Variants in GABRB1 observed in about 807,000 individuals in gnomAD.
The protein encoded by GABRB1 is gamma-aminobutyric acid type A receptor subunit beta1.
A neutral mutation model predicts 51.6 loss-of-function variants in GABRB1; 17 were observed. The observed-to-expected ratio is 0.33, with a 90% CI of 0.23 to 0.49. GABRB1 has a LOEUF of 0.49. Ranked by LOEUF, GABRB1 falls within the 20% of genes least tolerant of loss-of-function variation. The probability of loss-of-function intolerance (pLI) is 0.99; values close to 1 mark genes in which losing one functional copy is unlikely to be tolerated. For synonymous variants in GABRB1, 247 were observed against 218.9 expected, an observed-to-expected ratio of 1.13 and a Z score of -1.14; for missense variants, 410 against 600.6, an observed-to-expected ratio of 0.68 and a Z score of 3.32.
At chr4:47,169,211 T>C (rs569126324) in intron 4 of GABRB1, among the ~76,000 whole-genome samples, 34 of 152,292 alleles carry the variant, frequency 2.2e-4, no homozygotes, top group African/African-American at 6.3e-4. Context: ...CATCTCTTCT[T>C]TATTTATGAA....
intron 4 of GABRB1, among the ~76,000 whole-genome samples, chr4:47,170,218 C>G (rs1322261399): frequency 6.6e-6 from 1 of 152,008 alleles, no homozygotes; most frequent in East Asian, 1.9e-4. Flanking sequence ...CAGTGTCTGA[C>G]CACGGATTGT....
At chr4:47,115,207 C>T (rs1482444092) in intron 3 of GABRB1, among the ~76,000 whole-genome samples, 4 of 152,148 alleles carry the variant, frequency 2.6e-5, no homozygotes, top group African/African-American at 7.2e-5. Context: ...GCTAATACAT[C>T]TAAAATGGAA....
intron 5 of GABRB1, among the ~76,000 whole-genome samples, chr4:47,386,993 A>C (rs1029576324): frequency 1.3e-5 from 2 of 152,256 alleles, no homozygotes; most frequent in Non-Finnish European, 2.9e-5. Flanking sequence ...GTCACCCCAC[A>C]AAGTGCTGAT....
At chr4:47,391,700 G>A (rs1727999720) in intron 5 of GABRB1, among the ~76,000 whole-genome samples, 1 of 152,124 alleles carries the variant, frequency 6.6e-6, no homozygotes. Context: ...AGTAAATTAG[G>A]CTCAAGAATA....
intron 4 of GABRB1, among the ~76,000 whole-genome samples, chr4:47,212,114 C>G (rs1720380271): frequency 6.6e-6 from 1 of 152,008 alleles, no homozygotes; most frequent in African/African-American, 2.4e-5. Context: ...CCGAAAAGAG[C>G]TGTATAGAAA....
At chr4:47,270,196 G>A (rs189883724) in intron 4 of GABRB1, among the ~76,000 whole-genome samples, 24 of 152,288 alleles carry the variant, frequency 1.6e-4, no homozygotes, top group African/African-American at 4.6e-4. Flanking sequence ...ACATGACATG[G>A]CTGTTTTGGT....
rs1725321920 is a variant in GABRB1 at position 47,328,068 on chromosome 4, T to C, written c.544+7859T>C. Among the ~76,000 whole-genome samples the C allele has an allele frequency of 1.3e-5, 2 of 152,236 alleles. 1 individual carries two copies. Among genetic ancestry groups the C allele is most frequent in the South Asian group, 4.1e-4 (2 of 4,824 alleles). ...GCATTCTTCTGATGGCCAGTGATGA[T>C]GAGCATTTTTTCATGTGTCTTTTGG... On this transcript the variant is annotated intron_variant, in intron 5 of 8. Transcript: ENST00000295454.
chr4:47,318,102 C>T (rs1450958838), intron 4 of GABRB1, among the ~76,000 whole-genome samples: 6 of 151,962 alleles, frequency 3.9e-5, no homozygotes, highest in Admixed American at 3.9e-4. Context: ...TGAGTCTTAA[C>T]TTTGTTGCCC....
intron 3 of GABRB1, among the ~76,000 whole-genome samples, chr4:47,091,392 G>A (rs973608443): frequency 4.6e-5 from 7 of 151,944 alleles, no homozygotes; most frequent in Admixed American, 2.0e-4. Context: ...ATGGTATACA[G>A]CATAATTATA....
At chr4:47,064,974 T>A (rs1367153371) in intron 3 of GABRB1, among the ~76,000 whole-genome samples, 2 of 152,206 alleles carry the variant, frequency 1.3e-5, no homozygotes, top group Non-Finnish European at 2.9e-5. Context: ...GATTCAGTTT[T>A]GGCCTCTCTA....
intron 3 of GABRB1, among the ~76,000 whole-genome samples, chr4:47,150,562 T>C (rs1717395772): frequency 6.6e-6 from 1 of 151,720 alleles, no homozygotes; most frequent in Admixed American, 6.6e-5. Context: ...AATTGGAGAA[T>C]TTCTGTGCTG....
chr4:47,107,568 T>A (rs993375527), intron 3 of GABRB1, among the ~76,000 whole-genome samples: 1 of 152,108 alleles, frequency 6.6e-6, no homozygotes, highest in Non-Finnish European at 1.5e-5. Flanking sequence ...GAAAATAACC[T>A]CTCTGTGCCT....
At chr4:47,070,871 T>C (rs1035172620) in intron 3 of GABRB1, among the ~76,000 whole-genome samples, 13 of 152,186 alleles carry the variant, frequency 8.5e-5, no homozygotes, top group Admixed American at 1.3e-4. Flanking sequence ...CTAAGGACTT[T>C]CTAAATCTGA....
intron 4 of GABRB1, among the ~76,000 whole-genome samples, chr4:47,175,020 TCTTC>T (rs1293186053): frequency 4.6e-5 from 6 of 129,196 alleles, no homozygotes; most frequent in East Asian, 2.4e-4. Flanking sequence ...CTTCCTTCTT[TCTTC>T]CTTCCTTCCT....
chr4:47,032,199 G>T (rs989615450), intron 2 of GABRB1, among the ~76,000 whole-genome samples, 194 bp downstream of exon 2: 6 of 150,308 alleles, frequency 4.0e-5, no homozygotes, highest in Non-Finnish European at 8.8e-5. Context: ...ATCCTCAGGC[G>T]GAGGCGACCT....
intron 1 of GABRB1, among the ~76,000 whole-genome samples, chr4:47,026,312 A>G (rs889203357): frequency 2.6e-5 from 4 of 151,998 alleles, no homozygotes; most frequent in African/African-American, 9.7e-5. Context: ...GAATTAGCGC[A>G]AAGTTTATAT....
intron 1 of GABRB1, among the ~76,000 whole-genome samples, chr4:47,020,205 C>T (rs754393833): frequency 6.6e-6 from 1 of 152,078 alleles, no homozygotes; most frequent in Non-Finnish European, 1.5e-5. Flanking sequence ...TTTATAAAGA[C>T]ATCAATCATA....
intron 4 of GABRB1, among the ~76,000 whole-genome samples, chr4:47,276,102 A>G (rs1019499170): frequency 1.3e-5 from 2 of 152,170 alleles, no homozygotes; most frequent in African/African-American, 4.8e-5. Context: ...CAATACTCGT[A>G]CAGAGAAAAT....
intron 5 of GABRB1, among the ~76,000 whole-genome samples, chr4:47,325,926 T>C (rs954529937): frequency 6.6e-6 from 1 of 152,130 alleles, no homozygotes; most frequent in Non-Finnish European, 1.5e-5. Flanking sequence ...CTTTTGGAGG[T>C]GATTAGATCA....
Sources: gnomAD v4.1 joint callset for allele counts (sites outside exome capture counted in the v4.1 genomes callset) on GRCh38, gnomAD v4.1.1 for gene constraint, MANE v1.5 for transcripts, NCBI Gene and HGNC (gene_info 2026-07-23, HGNC 2026-07-21) for gene names.